The following CRACDL variants were observed in gnomAD, a reference collection of about 807,000 sequenced individuals.
CRACDL encodes CRACD like, also known as CRACD-like protein.
Under a neutral mutation model 70.6 loss-of-function variants are expected in CRACDL, and 26 were observed. That is an observed-to-expected ratio of 0.37 (90% CI 0.27 to 0.51). The LOEUF is 0.51. Ranked by LOEUF, CRACDL falls within the 20% of genes least tolerant of loss-of-function variation. The pLI, the probability that CRACDL is intolerant of heterozygous loss-of-function variation, is 0.94. For missense variants in CRACDL, 1,283 were observed against 1,376.9 expected (o/e 0.93, Z 1.08); for synonymous variants, 618 against 615.2 (o/e 1.00, Z -0.07).
At chr2:98,812,478 T>C (rs1704613799) in intron 7 of CRACDL, among the ~76,000 whole-genome samples, 1 of 152,242 alleles carries the variant, frequency 6.6e-6, no homozygotes, top group Non-Finnish European at 1.5e-5. Context: ...GATAATACTC[T>C]AATGAGAATT....
At position 98,926,381 on chromosome 2, in the gene CRACDL, G is replaced by A. The variant is rs367987616; in HGVS notation, c.-11+9557C>T. Among the ~76,000 whole-genome samples, 70 of 152,296 alleles carry A rather than the reference G, an allele frequency of 4.6e-4. 1 individual carries two copies. In the East Asian group the frequency reaches 9.1e-3, roughly 20 times the overall value. ...CACCTCAACTGAGAGGGGGCTGGGC[G>A]CCTTCTTTCTATCCCCTCCCACCAT... is the stretch of plus-strand genomic sequence containing the variant. On this transcript the variant is annotated intron_variant, in intron 1 of 9. Transcript: ENST00000397899.
intron 7 of CRACDL, among the ~76,000 whole-genome samples, chr2:98,801,955 A>C (rs1420364845): frequency 6.6e-6 from 1 of 152,238 alleles, no homozygotes; most frequent in Non-Finnish European, 1.5e-5. Flanking sequence ...CCAGAGAGCC[A>C]TTCTGCCATG....
At chr2:98,891,636 T>C (rs926142727) in intron 1 of CRACDL, among the ~76,000 whole-genome samples, 1 of 152,180 alleles carries the variant, frequency 6.6e-6, no homozygotes, top group Non-Finnish European at 1.5e-5. Context: ...AAATCCTGGA[T>C]ATTTTTTTTC....
At chr2:98,924,303 G>A (rs1383986046) in intron 1 of CRACDL, among the ~76,000 whole-genome samples, 2 of 152,132 alleles carry the variant, frequency 1.3e-5, no homozygotes, top group African/African-American at 2.4e-5. Flanking sequence ...GGGCTTCAGC[G>A]ACCACCTCCC....
At chr2:98,850,775 T>A (rs1403716279) in intron 1 of CRACDL, among the ~76,000 whole-genome samples, 1 of 151,822 alleles carries the variant, frequency 6.6e-6, no homozygotes, top group African/African-American at 2.4e-5. Context: ...TCCAAGGGAG[T>A]CCTGCATCTA....
In CRACDL at chr2:98,822,806, C is replaced by T. The variant is rs1705129192; in HGVS notation, c.1467G>A (p.Pro489=). 3 of 1,365,902 alleles carry T rather than the reference C, an allele frequency of 2.2e-6. No individual in the cohort carries two copies. Among genetic ancestry groups the T allele is most frequent in the East Asian group, 5.8e-5 (2 of 34,420 alleles). 84.6% of individuals were successfully genotyped at this position (1,365,902 alleles called of 1,614,324 possible). A position where few individuals can be genotyped will look rare whatever the true frequency, so the allele number is the denominator to read the frequency against. ...IGTEPSTAPA[P]SPPAPKSCLK... The stretch of plus-strand genomic sequence containing the variant: ...GGCAGCTCTTGGGCGCCGGCGGGCT[C>T]GGGGCGGGCGCCGTGGAGGGCTCGG... The change falls in exon 7 of 10, where the codon CCG becomes CCA. Residue 489 remains proline (P), a synonymous_variant. Transcript: ENST00000397899. The surrounding 1 kb of genome is among the most constrained non-coding windows in gnomAD (Gnocchi z 4.9).
chr2:98,920,109 G>A (rs966337795), intron 1 of CRACDL, among the ~76,000 whole-genome samples: 7 of 152,094 alleles, frequency 4.6e-5, no homozygotes, highest in African/African-American at 1.7e-4. Context: ...CCCAGATTCT[G>A]GCTAGGGGTT....
chr2:98,865,796 T>C (rs542308220), intron 1 of CRACDL, among the ~76,000 whole-genome samples: 31 of 149,724 alleles, frequency 2.1e-4, no homozygotes, highest in Non-Finnish European at 3.6e-4. Context: ...GAGGACTTTC[T>C]GCTTTTTTTT....
chr2:98,926,281 G>C (rs957405554), intron 1 of CRACDL, among the ~76,000 whole-genome samples: 1 of 152,136 alleles, frequency 6.6e-6, no homozygotes, highest in Non-Finnish European at 1.5e-5. Context: ...CCCCAGACAG[G>C]CCTAATTCCT....
At chr2:98,934,195 CTTTTT>C (rs34592936) in intron 1 of CRACDL, among the ~76,000 whole-genome samples, 2 of 80,072 alleles carry the variant, frequency 2.5e-5, no homozygotes, top group Non-Finnish European at 2.5e-5. Context: ...AAGATTCATC[CTTTTT>C]TTTTTTTTTT....
chr2:98,808,580 T>C (rs1359129335), intron 7 of CRACDL, among the ~76,000 whole-genome samples: 1 of 152,124 alleles, frequency 6.6e-6, no homozygotes, highest in African/African-American at 2.4e-5. Context: ...GGTAGATGCT[T>C]CTTTTAACCA....
intron 1 of CRACDL, among the ~76,000 whole-genome samples, chr2:98,864,300 G>A (rs1038096067): frequency 1.3e-5 from 2 of 152,158 alleles, no homozygotes; most frequent in East Asian, 1.9e-4. Flanking sequence ...GTGAAAGAAG[G>A]CAGCTACAAA....
chr2:98,810,520 C>T lies in CRACDL; in HGVS notation c.2416+11337G>A, dbSNP rs539836052. On this transcript the variant is annotated intron_variant, in intron 7 of 9. Coordinates refer to ENST00000397899, the MANE Select transcript of CRACDL (RefSeq NM_207362.3). ...GTTAAAGATGAGGCTGGCATGGGGA[C>T]GTGGGAGGATAAAGACGCTGCACAT... 1.1e-4 allele frequency among the ~76,000 whole-genome samples: 16 copies of T among 151,974 alleles called. No individual in the cohort carries two copies. In the South Asian group the frequency reaches 1.2e-3, roughly 12 times the overall value.
rs548003650 is a variant in CRACDL, at chr2:98,928,321, G to T, written c.-11+7617C>A. ...GTCAGTATAGCACAGACAGAAGTTC[G>T]GAAGGCTCTGCCCCAAATGTTGTAA... On this transcript the variant is annotated intron_variant, in intron 1 of 9. Coordinates refer to ENST00000397899, the MANE Select transcript of CRACDL (RefSeq NM_207362.3). Among the ~76,000 whole-genome samples the T allele has an allele frequency of 1.7e-4, 26 of 152,310 alleles. No individual in the cohort carries two copies. In the South Asian group the frequency reaches 5.4e-3, roughly 32 times the overall value.
intron 1 of CRACDL, among the ~76,000 whole-genome samples, chr2:98,882,054 C>G (rs1382365442): frequency 6.6e-6 from 1 of 152,196 alleles, no homozygotes; most frequent in African/African-American, 2.4e-5. Context: ...GGTTCCACGT[C>G]CCATACGACA....
chr2:98,934,604 G>A (rs902815217), intron 1 of CRACDL, among the ~76,000 whole-genome samples: 16 of 152,170 alleles, frequency 1.1e-4, no homozygotes, highest in African/African-American at 3.4e-4. Flanking sequence ...GCTGAGCTGC[G>A]CAGCATCCAT....
At chr2:98,918,435 A>G (rs1708717570) in intron 1 of CRACDL, among the ~76,000 whole-genome samples, 1 of 148,876 alleles carries the variant, frequency 6.7e-6, no homozygotes, top group East Asian at 2.0e-4. Flanking sequence ...TGGGAGGCTG[A>G]GGCCCAGGCT....
At chr2:98,901,388 A>G (rs1188520808) in intron 1 of CRACDL, among the ~76,000 whole-genome samples, 1 of 152,102 alleles carries the variant, frequency 6.6e-6, no homozygotes. Flanking sequence ...GATCTTCTAT[A>G]TACAGATCAC....
At chr2:98,880,730 A>G (rs1343557889) in intron 1 of CRACDL, among the ~76,000 whole-genome samples, 5 of 152,194 alleles carry the variant, frequency 3.3e-5, no homozygotes, top group Admixed American at 3.3e-4. Context: ...AGGGCAAGGC[A>G]CTGGAGCCAA....
Sources: allele counts gnomAD v4.1 joint callset (sites outside exome capture counted in the v4.1 genomes callset), GRCh38; gene constraint gnomAD v4.1.1; non-coding constraint Gnocchi (gnomAD v3.1); transcripts MANE v1.5; gene names NCBI Gene and HGNC (gene_info 2026-07-23, HGNC 2026-07-21).